Variants in PRUNE2 observed in about 807,000 individuals in gnomAD.
The protein encoded by PRUNE2 is prune homolog 2 with BCH domain.
Under a neutral mutation model 252.0 loss-of-function variants are expected in PRUNE2, and 164 were observed. The ratio of observed to expected loss-of-function variants is 0.65; its 90% CI spans 0.57 to 0.74. PRUNE2 has a LOEUF of 0.74. Ranked by LOEUF, PRUNE2 falls within the 30% of genes least tolerant of loss-of-function variation. PRUNE2 has a pLI of 0.00. For missense variants in PRUNE2, 3,495 were observed against 3,711.0 expected (o/e 0.94, Z 1.51); for synonymous variants, 1,292 against 1,350.2 (o/e 0.96, Z 0.94).
intron 9 of PRUNE2, among the ~76,000 whole-genome samples, chr9:76,684,021 T>C (rs28568744): frequency 0.22 from 33,322 of 151,774 alleles, 3,827 homozygotes; most frequent in Admixed American, 0.29. Flanking sequence ...TTGACATATA[T>C]TTACACTGTA....
At chr9:76,767,680 C>T (rs998486509) in intron 6 of PRUNE2, among the ~76,000 whole-genome samples, 2 of 152,156 alleles carry the variant, frequency 1.3e-5, no homozygotes, top group Non-Finnish European at 2.9e-5. Flanking sequence ...AAAGCCTCAT[C>T]TCTTGACCCT....
At chr9:76,786,232 A>G (rs1262015912) in intron 6 of PRUNE2, 1 of 152,048 alleles carries the variant, frequency 6.6e-6, no homozygotes, top group Non-Finnish European at 1.5e-5. Context: ...CTTTGTGTTC[A>G]TGGATAGTCC....
chr9:76,720,505 T>C (rs1026814505), intron 6 of PRUNE2, among the ~76,000 whole-genome samples: 1 of 152,190 alleles, frequency 6.6e-6, no homozygotes, highest in African/African-American at 2.4e-5. Context: ...CCTCACCTCA[T>C]AGGACTGTTG....
intron 6 of PRUNE2, among the ~76,000 whole-genome samples, chr9:76,789,507 T>A (rs1407205070): frequency 6.6e-6 from 1 of 152,190 alleles, no homozygotes; most frequent in Non-Finnish European, 1.5e-5. Context: ...TGGAGGCCTC[T>A]CCTCTGCAAA....
chr9:76,897,712 G>A (rs1049074963), intron 1 of PRUNE2, among the ~76,000 whole-genome samples: 3 of 151,966 alleles, frequency 2.0e-5, no homozygotes, highest in Non-Finnish European at 4.4e-5. Flanking sequence ...CACTGCACCT[G>A]GCCTGGGCAA....
chr9:76,839,161 A>G (rs1310249587), intron 4 of PRUNE2, among the ~76,000 whole-genome samples: 1 of 152,186 alleles, frequency 6.6e-6, no homozygotes, highest in Non-Finnish European at 1.5e-5. Context: ...AAAGTATTAT[A>G]GCATTAACTG....
chr9:76,844,374 T>C (rs1408301274), intron 4 of PRUNE2, among the ~76,000 whole-genome samples: 1 of 152,124 alleles, frequency 6.6e-6, no homozygotes, highest in Non-Finnish European at 1.5e-5. Context: ...CTCCCTCCCT[T>C]CCCATGTCAT....
At chr9:76,778,799 G>A (rs148619831) in intron 6 of PRUNE2, 56 of 152,272 alleles carry the variant, frequency 3.7e-4, no homozygotes, top group African/African-American at 1.2e-3. Flanking sequence ...ACTGAGAAAT[G>A]GCATAACACC....
chr9:76,714,039 C>T (rs886521540), intron 6 of PRUNE2, among the ~76,000 whole-genome samples: 1 of 152,114 alleles, frequency 6.6e-6, no homozygotes, highest in African/African-American at 2.4e-5. Flanking sequence ...CCTATTTTCC[C>T]TCTTGTCGCT....
chr9:76,643,800 G>A (rs1397489924), intron 12 of PRUNE2, among the ~76,000 whole-genome samples: 2 of 152,188 alleles, frequency 1.3e-5, no homozygotes, highest in Admixed American at 6.6e-5. Flanking sequence ...GCGGAGAAAG[G>A]TTTGATTGAA....
rs2046689544 is a variant in PRUNE2 at position 76,711,055 on chromosome 9, G to C, written c.1219C>G (p.Pro407Ala). 1 of 1,614,032 alleles carries C rather than the reference G, an allele frequency of 6.2e-7. No individual in the cohort carries two copies. Among genetic ancestry groups the C allele is most frequent in the Non-Finnish European group, 8.5e-7 (1 of 1,179,886 alleles). ...PSSVNFIENP[P>A]DLNDSNQAQV... ...GCCTGGTTAGAATCATTGAGATCTGGAGGGTTCTCTATGAAATTCACAGAG... is the reference window on the plus strand; with the variant it reads ...GCCTGGTTAGAATCATTGAGATCTGCAGGGTTCTCTATGAAATTCACAGAG... The change falls in exon 8 of 19, where the codon CCA becomes GCA. Residue 407 changes from proline (P) to alanine (A), a missense_variant. By Grantham distance (27) the Pro-to-Ala change is conservative. Coordinates refer to ENST00000376718, the MANE Select transcript of PRUNE2 (RefSeq NM_015225.3).
rs779450871 is a variant in PRUNE2 at position 76,710,847 on chromosome 9, G to A, written c.1427C>T (p.Ala476Val). 59 of 1,543,340 alleles carry A rather than the reference G, an allele frequency of 3.8e-5. No individual in the cohort carries two copies. The highest frequency in any genetic ancestry group is 4.4e-5 in the Non-Finnish European group (51 of 1,147,000). ...LDSYSPIPEG[A>V]VAEEHAWSGE... ...AGACCATGCATGTTCCTCCGCCACCGCCCCTTCAGGGATGGGGCTGTAGGA... is the reference window on the plus strand; with the variant it reads ...AGACCATGCATGTTCCTCCGCCACCACCCCTTCAGGGATGGGGCTGTAGGA... Residue 476 changes from alanine to valine, a missense_variant, in exon 8 of 19, where the codon GCG becomes GTG. By Grantham distance (64) the Ala-to-Val change is moderately conservative. Transcript: ENST00000376718.
Position 76,709,893 on chromosome 9 carries a change from AC to A in PRUNE2, c.2380del (p.Val794TrpfsTer19). 1 of 1,613,900 alleles carries A rather than the reference AC, an allele frequency of 6.2e-7. No homozygotes were observed. Among genetic ancestry groups the A allele is most frequent in the East Asian group, 2.2e-5 (1 of 44,856 alleles). ...NPTDDGEPAA[V>X]APFPAWSAFG... The stretch of plus-strand genomic sequence containing the variant: ...TGCACTCCAGGCTGGGAATGGCGCC[AC>A]AGCTGCTGGTTCACCATCATCTGTA... On this transcript the variant is annotated frameshift_variant, in exon 8 of 19. Transcript: ENST00000376718. LOFTEE classifies it high-confidence loss of function.
At chr9:76,786,027 A>G (rs993950671) in intron 6 of PRUNE2, 7 of 152,220 alleles carry the variant, frequency 4.6e-5, no homozygotes, top group African/African-American at 1.7e-4. Flanking sequence ...AGCACCTCGC[A>G]TTTGTGGGTT....
chr9:76,842,564 A>G (rs1349242649), intron 4 of PRUNE2, among the ~76,000 whole-genome samples: 1 of 152,200 alleles, frequency 6.6e-6, no homozygotes, highest in Non-Finnish European at 1.5e-5. Flanking sequence ...GAGTGGGAGA[A>G]AAATTTTGCA....
intron 4 of PRUNE2, among the ~76,000 whole-genome samples, chr9:76,840,967 G>A (rs1026826526): frequency 7.3e-5 from 11 of 151,624 alleles, no homozygotes; most frequent in Admixed American, 4.6e-4. Flanking sequence ...GGCAACAAGC[G>A]CGAGACTTCC....
chr9:76,811,006 G>T (rs761709732), intron 6 of PRUNE2, among the ~76,000 whole-genome samples: 3 of 152,144 alleles, frequency 2.0e-5, no homozygotes, highest in African/African-American at 7.2e-5. Context: ...CCAAGGTCAG[G>T]TCCCCAAATC....
intron 6 of PRUNE2, among the ~76,000 whole-genome samples, chr9:76,718,794 G>A (rs1315505358): frequency 6.6e-6 from 1 of 152,044 alleles, no homozygotes; most frequent in Non-Finnish European, 1.5e-5. Context: ...TGTTTAATAA[G>A]TATCTCAAGT....
At chr9:76,812,520 T>TA (rs575569241) in intron 6 of PRUNE2, among the ~76,000 whole-genome samples, 71 of 152,182 alleles carry the variant, frequency 4.7e-4, no homozygotes, top group South Asian at 4.0e-3. Flanking sequence ...TTTTGCATTT[T>TA]AAAAAAAACT....
Sources: allele counts gnomAD v4.1 joint callset (sites outside exome capture counted in the v4.1 genomes callset), GRCh38; gene constraint gnomAD v4.1.1; transcripts MANE v1.5; gene names NCBI Gene and HGNC (gene_info 2026-07-23, HGNC 2026-07-21).